ME2: variants seen among roughly 807,000 people sequenced by gnomAD.
The protein encoded by ME2 is NAD-dependent malic enzyme, mitochondrial.
ME2 carries 60 observed loss-of-function variants against 73.7 expected under a neutral mutation model. The observed-to-expected ratio is 0.81, with a 90% confidence interval of 0.66 to 1.01. The LOEUF is 1.01. Ranked by LOEUF, ME2 falls within the 50% of genes least tolerant of loss-of-function variation. The pLI is 0.00. For synonymous variants in ME2, 199 were observed against 236.9 expected, an observed-to-expected ratio of 0.84 and a Z score of 1.47; for missense variants, 594 against 705.5, an observed-to-expected ratio of 0.84 and a Z score of 1.79.
chr18:50,926,299 C>A (rs942759152), intron 12 of ME2, among the ~76,000 whole-genome samples: 4 of 151,598 alleles, frequency 2.6e-5, no homozygotes, highest in Non-Finnish European at 5.9e-5. Flanking sequence ...CTAATGAATT[C>A]TCTTGGTAAT....
chr18:50,901,339 A>T (rs1423598048), intron 2 of ME2, among the ~76,000 whole-genome samples: 1 of 152,194 alleles, frequency 6.6e-6, no homozygotes, highest in South Asian at 2.1e-4. Context: ...TCTGATTTGT[A>T]TTAAAGAGTT....
intron 10 of ME2, among the ~76,000 whole-genome samples, chr18:50,922,750 C>G (rs1917459610): frequency 6.6e-6 from 1 of 152,130 alleles, no homozygotes; most frequent in East Asian, 1.9e-4. Context: ...CATTAGGCTT[C>G]CAGTGTCTCC....
At chr18:50,882,816 G>A (rs117608353) in intron 1 of ME2, among the ~76,000 whole-genome samples, 248 of 152,230 alleles carry the variant, frequency 1.6e-3, no homozygotes, top group Non-Finnish European at 3.1e-3. Context: ...GGGCATGGTA[G>A]CACACACCTA....
intron 11 of ME2, 49 bp from the exon 12 acceptor site, chr18:50,925,707 C>T: frequency 2.6e-6 from 4 of 1,548,686 alleles, no homozygotes; most frequent in Non-Finnish European, 3.6e-6. Flanking sequence ...ATAAGCATTG[C>T]TTTTATACCT....
rs1918169519 is a variant in ME2, at chr18:50,949,421, A to G, written c.*2237A>G. The G allele has an allele frequency of 6.6e-6, 1 of 152,012 alleles. No individual in the cohort carries two copies. Among genetic ancestry groups the G allele is most frequent in the Admixed American group, 6.6e-5 (1 of 15,248 alleles). The allele number at this position is 152,012 out of a possible 1,614,324, so 9.4% of individuals were successfully genotyped here. ...GGGTCATAGAGCACTGCAGCCTGGA[A>G]CTCCTGGGTTCAAGCTCTCCTCCTG... is the stretch of plus-strand genomic sequence containing the variant. On this transcript the variant is annotated 3_prime_UTR_variant, in exon 16 of 16. Coordinates refer to ENST00000321341, the MANE Select transcript of ME2 (RefSeq NM_002396.5).
chr18:50,889,060 A>G (rs970267856), intron 1 of ME2, among the ~76,000 whole-genome samples: 2 of 152,146 alleles, frequency 1.3e-5, no homozygotes, highest in African/African-American at 4.8e-5. Flanking sequence ...TGTACAGTAG[A>G]TTGTTATAAA....
chr18:50,944,661 C>T (rs1339394437), intron 15 of ME2, among the ~76,000 whole-genome samples: 1 of 152,194 alleles, frequency 6.6e-6, no homozygotes, highest in Admixed American at 6.5e-5. Context: ...ATGTCTAAAG[C>T]TTGCAGTTGT....
intron 15 of ME2, among the ~76,000 whole-genome samples, chr18:50,942,915 C>T (rs950643575): frequency 1.3e-5 from 2 of 151,872 alleles, no homozygotes; most frequent in Non-Finnish European, 2.9e-5. Context: ...AACTATAAAT[C>T]AGCTGAAACT....
chr18:50,939,465 G>C (rs1407400236), intron 13 of ME2, 105 bp from the exon 14 acceptor site: 1 of 681,316 alleles, frequency 1.5e-6, no homozygotes, highest in Admixed American at 2.5e-5. Context: ...GGGGGGAGCT[G>C]TTTGCGATGT....
intron 1 of ME2, among the ~76,000 whole-genome samples, chr18:50,894,527 C>T (rs964973520): frequency 1.2e-4 from 18 of 150,374 alleles, no homozygotes; most frequent in Non-Finnish European, 2.4e-4. Context: ...GTGATCGCGC[C>T]GTTGCACTCC....
chr18:50,931,901 T>C (rs1009544650), intron 12 of ME2, among the ~76,000 whole-genome samples: 23 of 152,250 alleles, frequency 1.5e-4, no homozygotes, highest in Admixed American at 1.5e-3. Flanking sequence ...CCAGGCCATC[T>C]CAAACTCCTG....
chr18:50,926,986 A>G (rs530714185), intron 12 of ME2, among the ~76,000 whole-genome samples: 6 of 152,286 alleles, frequency 3.9e-5, no homozygotes, highest in Admixed American at 3.3e-4. Flanking sequence ...TGTCTTTTCT[A>G]AGGCTGTTTT....
At chr18:50,908,268 ATGGC>A (rs1917064007) in intron 3 of ME2, 72 bp downstream of exon 3, 2 of 1,090,696 alleles carry the variant, frequency 1.8e-6, no homozygotes, top group Admixed American at 5.4e-5. Context: ...TATGGTTATT[ATGGC>A]ATGAGAAATA....
chr18:50,947,745 T>C lies in ME2; in HGVS notation c.*561T>C, dbSNP rs1286154296. On this transcript the variant is annotated 3_prime_UTR_variant, in exon 16 of 16. Coordinates refer to ENST00000321341, the MANE Select transcript of ME2 (RefSeq NM_002396.5). ...AATATTAAAAATTTACCCTATTTATTTTCTGGAACTAAATCAAGCCTTAAC... is the reference window on the plus strand; with the variant it reads ...AATATTAAAAATTTACCCTATTTATCTTCTGGAACTAAATCAAGCCTTAAC... The C allele has an allele frequency of 6.6e-6, 1 of 152,256 alleles. No individual in the cohort carries two copies. Among genetic ancestry groups the C allele is most frequent in the Non-Finnish European group, 1.5e-5 (1 of 68,066 alleles). 9.4% of individuals were successfully genotyped at this position (152,256 alleles called of 1,614,324 possible).
At chr18:50,925,927 A>G (rs1363559075) in intron 12 of ME2, 29 bp downstream of exon 12, 5 of 1,521,544 alleles carry the variant, frequency 3.3e-6, no homozygotes, top group Admixed American at 1.7e-5. Flanking sequence ...ATTGATATGT[A>G]TATTATTTTC....
intron 1 of ME2, among the ~76,000 whole-genome samples, chr18:50,884,918 A>G (rs1002580925): frequency 2.0e-4 from 30 of 151,738 alleles, no homozygotes; most frequent in Admixed American, 6.6e-4. Context: ...GCAGTGGTGC[A>G]ATCTCGGCTC....
In ME2 at chr18:50,920,681, G is replaced by T. The variant is rs1917404906; in HGVS notation, c.865G>T (p.Ala289Ser). Residue 289 changes from alanine (A) to serine (S), a missense_variant, in exon 9 of 16, where the codon GCA (alanine) becomes TCA (serine). By Grantham distance (99) the Ala-to-Ser change is moderately conservative. Coordinates refer to ENST00000321341, the MANE Select transcript of ME2 (RefSeq NM_002396.5). ...DIQGTAAVAL[A>S]GLLAAQKVIS... ...TACAGGGACAGCTGCAGTAGCTCTA[G>T]CAGGTCTTCTTGCAGCACAAAAAGT... 2.5e-6 allele frequency: 4 copies of T among 1,612,220 alleles called. No individual in the cohort carries two copies. Among genetic ancestry groups the T allele is most frequent in the Non-Finnish European group, 3.4e-6 (4 of 1,179,598 alleles).
chr18:50,879,653 C>T (rs558373808), intron 1 of ME2, among the ~76,000 whole-genome samples: 34 of 152,368 alleles, frequency 2.2e-4, no homozygotes, highest in African/African-American at 6.5e-4. Flanking sequence ...CTTTCTCGCT[C>T]TTTCTGCACC....
At chr18:50,911,027 A>G (rs182116584) in intron 3 of ME2, among the ~76,000 whole-genome samples, 1 of 152,346 alleles carries the variant, frequency 6.6e-6, no homozygotes, top group Admixed American at 6.5e-5. Flanking sequence ...GGCATTCACC[A>G]TTGCTGAGCT....
Sources: gnomAD v4.1 joint callset for allele counts (sites outside exome capture counted in the v4.1 genomes callset) on GRCh38, gnomAD v4.1.1 for gene constraint, MANE v1.5 for transcripts, NCBI Gene and HGNC (gene_info 2026-07-23, HGNC 2026-07-21) for gene names.